Variants in COL21A1 observed in about 807,000 individuals in gnomAD.
COL21A1 encodes collagen alpha-1(XXI) chain.
COL21A1 carries 149 observed loss-of-function variants against 137.9 expected under a neutral mutation model. The observed-to-expected ratio is 1.08, with a 90% CI of 0.95 to 1.24. COL21A1 has a LOEUF of 1.24. Ranked by LOEUF, COL21A1 falls within the 50% of genes most tolerant of loss-of-function variation. The probability of loss-of-function intolerance (pLI) is 0.00; values close to 1 mark genes in which losing one functional copy is unlikely to be tolerated. For synonymous variants in COL21A1, 456 were observed against 391.5 expected (o/e 1.16, Z -1.95); for missense variants, 1,167 against 1,158.4 (o/e 1.01, Z -0.11).
intron 16 of COL21A1, among the ~76,000 whole-genome samples, chr6:56,120,798 TTA>T: frequency 1.3e-5 from 1 of 78,790 alleles, no homozygotes; most frequent in African/African-American, 5.3e-5. Flanking sequence ...CTGTCTCAAT[TTA>T]AAAAAAAAAA....
chr6:56,341,020 C>T (rs917188750), intron 1 of COL21A1, among the ~76,000 whole-genome samples: 2 of 152,148 alleles, frequency 1.3e-5, no homozygotes, highest in Admixed American at 1.3e-4. Flanking sequence ...ACTTCCAGGA[C>T]ATGATAGAGT....
intron 1 of COL21A1, among the ~76,000 whole-genome samples, chr6:56,364,765 GAAA>G (rs10557266): frequency 0.29 from 37,544 of 129,486 alleles, 5,304 homozygotes; most frequent in African/African-American, 0.42. Context: ...AAGAGCCCAG[GAAA>G]AAAAAAAAAA....
intron 22 of COL21A1, 186 bp downstream of exon 22, chr6:56,068,859 TG>T: frequency 2.0e-6 from 1 of 504,434 alleles, no homozygotes; most frequent in Non-Finnish European, 3.4e-6. Context: ...AATACCCATG[TG>T]GGTATATAAA....
intron 1 of COL21A1, among the ~76,000 whole-genome samples, chr6:56,268,170 G>A (rs886906658): frequency 1.3e-5 from 2 of 152,204 alleles, no homozygotes; most frequent in African/African-American, 4.8e-5. Flanking sequence ...GCACTAAGAA[G>A]GGTGAAATGC....
intron 10 of COL21A1, among the ~76,000 whole-genome samples, chr6:56,156,287 C>G (rs9396175): frequency 0.64 from 97,065 of 151,998 alleles, 31,205 homozygotes; most frequent in East Asian, 0.79. Context: ...CCCAAGCTGG[C>G]CTTAACATTC....
chr6:56,261,242 C>T (rs952883046), intron 1 of COL21A1, among the ~76,000 whole-genome samples: 5 of 152,094 alleles, frequency 3.3e-5, no homozygotes, highest in Non-Finnish European at 5.9e-5. Context: ...GTTTTGCACC[C>T]TAGGCACCTC....
At chr6:56,295,150 AT>A (rs1316979845) in intron 1 of COL21A1, among the ~76,000 whole-genome samples, 3 of 151,352 alleles carry the variant, frequency 2.0e-5, no homozygotes, top group Non-Finnish European at 3.0e-5. Flanking sequence ...ATTTTATTTT[AT>A]TTTTTTTACT....
chr6:56,271,687 A>G (rs974612371), intron 1 of COL21A1, among the ~76,000 whole-genome samples: 6 of 152,330 alleles, frequency 3.9e-5, no homozygotes, highest in Non-Finnish European at 8.8e-5. Context: ...ACACAAGCCC[A>G]AAGGTCTAGG....
chr6:56,062,913 A>C (rs1041467160), intron 24 of COL21A1, among the ~76,000 whole-genome samples: 1 of 152,188 alleles, frequency 6.6e-6, no homozygotes, highest in East Asian at 1.9e-4. Flanking sequence ...CTGAGAACAC[A>C]TTAAGATGAT....
At chr6:56,121,564 A>G (rs983727421) in intron 16 of COL21A1, among the ~76,000 whole-genome samples, 19 of 147,324 alleles carry the variant, frequency 1.3e-4, no homozygotes, top group Non-Finnish European at 2.4e-4. Context: ...ATATGTGTAT[A>G]TATATATATG....
chr6:56,059,888 T>C lies in COL21A1; in HGVS notation c.2608+130A>G, dbSNP rs1765647440. The C allele has an allele frequency of 4.9e-6, 3 of 613,304 alleles. No individual in the cohort carries two copies. The Admixed American group carries it at 1.2e-4, about 24-fold the overall frequency. The allele number at this position is 613,304 out of a possible 1,614,324, so 38.0% of individuals were successfully genotyped here. Reference sequence around the variant, plus strand: ...TCTCTTTAATTCAGTTGGCAAATTATTTAAAGACGAGCATTTACAGATTTT... The same window carrying C: ...TCTCTTTAATTCAGTTGGCAAATTACTTAAAGACGAGCATTTACAGATTTT... On this transcript the variant is annotated intron_variant, in intron 28 of 29. Transcript: ENST00000244728.
At chr6:56,385,094 C>T (rs889614693) in intron 1 of COL21A1, among the ~76,000 whole-genome samples, 1 of 152,118 alleles carries the variant, frequency 6.6e-6, no homozygotes, top group Non-Finnish European at 1.5e-5. Flanking sequence ...AGGGTAGCAC[C>T]GCCAACAGGA....
intron 17 of COL21A1, chr6:56,077,887 C>G: frequency 2.7e-6 from 1 of 369,514 alleles, no homozygotes; most frequent in Non-Finnish European, 5.2e-6. Flanking sequence ...TGAACACATT[C>G]TTGTATTCTA....
At chr6:56,196,884 T>C (rs1779056460) in intron 1 of COL21A1, among the ~76,000 whole-genome samples, 1 of 152,000 alleles carries the variant, frequency 6.6e-6, no homozygotes, top group Non-Finnish European at 1.5e-5. Flanking sequence ...AATTAAGTCC[T>C]AAAATTTGTA....
At chr6:56,106,793 G>GGT (rs1770943372) in intron 16 of COL21A1, among the ~76,000 whole-genome samples, 1 of 148,524 alleles carries the variant, frequency 6.7e-6, no homozygotes, top group Non-Finnish European at 1.5e-5. Context: ...CATTATACAA[G>GGT]TTTTTTTTTT....
Position 56,334,814 on chromosome 6 carries a change from A to C in COL21A1, c.-39+59157T>G, listed in dbSNP as rs78325723. ...TGAAGCATCATTGTGAAAATGGGTT[A>C]GTTATCACGGGAGAGGGCTCCTGAT... On this transcript the variant is annotated intron_variant, in intron 1 of 28. Coordinates refer to the COL21A1 transcript ENST00000370819. Among the ~76,000 whole-genome samples, 1,077 of 152,306 alleles carry C rather than the reference A, an allele frequency of 7.1e-3. 10 individuals are homozygous for C. Among genetic ancestry groups the C allele is most frequent in the African/African-American group, 0.024 (1,005 of 41,578 alleles).
chr6:56,393,383 C>G (rs1337395522), intron 1 of COL21A1, among the ~76,000 whole-genome samples: 1 of 152,154 alleles, frequency 6.6e-6, no homozygotes, highest in Admixed American at 6.5e-5. Context: ...AGACCTTGAA[C>G]TATGAAACAA....
At chr6:56,182,365 C>T (rs1363670464) in intron 2 of COL21A1, among the ~76,000 whole-genome samples, 166 bp downstream of exon 2, 5 of 152,118 alleles carry the variant, frequency 3.3e-5, no homozygotes, top group Non-Finnish European at 7.4e-5. Flanking sequence ...CTGAGGGAAG[C>T]TTTTCTTCTC....
intron 1 of COL21A1, among the ~76,000 whole-genome samples, chr6:56,187,210 G>A (rs1034518876): frequency 3.9e-5 from 6 of 152,170 alleles, no homozygotes; most frequent in Non-Finnish European, 8.8e-5. Context: ...GGGCTCAGGA[G>A]AGAGAACCTA....
Sources: gnomAD v4.1 joint callset for allele counts (sites outside exome capture counted in the v4.1 genomes callset) on GRCh38, gnomAD v4.1.1 for gene constraint, MANE v1.5 for transcripts, NCBI Gene and HGNC (gene_info 2026-07-23, HGNC 2026-07-21) for gene names.